The following PRH1 variants were observed in gnomAD, a reference collection of about 807,000 sequenced individuals.
The protein encoded by PRH1 is salivary acidic proline-rich phosphoprotein 1/2.
PRH1 carries 7 observed loss-of-function variants against 7.9 expected under a neutral mutation model. The observed-to-expected ratio is 0.89, with a 90% CI of 0.50 to 1.67. The LOEUF is 1.67. PRH1 is among the 40% of genes most tolerant of loss of function. The pLI is 0.00. For synonymous variants in PRH1, 45 were observed against 80.8 expected (o/e 0.56, Z 2.38); for missense variants, 109 against 223.6 (o/e 0.49, Z 3.27).
Position 11,106,704 on chromosome 12 carries a change from TA to T in PRH1, n.124-59517del, listed in dbSNP as rs2136295011. On this transcript the variant is annotated intron_variant and non_coding_transcript_variant, in intron 1 of 4. Transcript: ENST00000541977. ...TTGGATTTTATTTCTTTTCCATTTT[TA>T]CAGTATAATTGTTTCTAACAGAAGA... Among the ~76,000 whole-genome samples the T allele has an allele frequency of 2.0e-5, 3 of 152,330 alleles. No individual in the cohort carries two copies. The East Asian group carries it at 5.8e-4, about 29-fold the overall frequency.
At chr12:11,148,862 T>G (rs1946962446) in intron 1 of PRH1, among the ~76,000 whole-genome samples, 1 of 134,340 alleles carries the variant, frequency 7.4e-6, no homozygotes, top group South Asian at 2.3e-4. Context: ...GAAGGAATGG[T>G]ACCAGTTCCT....
chr12:11,060,135 T>A (rs1943524157), intron 1 of PRH1, among the ~76,000 whole-genome samples: 1 of 152,162 alleles, frequency 6.6e-6, no homozygotes, highest in Admixed American at 6.5e-5. Context: ...TAAAATTTCA[T>A]AACACCAAAA....
intron 1 of PRH1, among the ~76,000 whole-genome samples, chr12:11,040,972 C>G (rs940538743): frequency 6.6e-6 from 1 of 151,630 alleles, no homozygotes; most frequent in Non-Finnish European, 1.5e-5. Context: ...AAATAAAAAG[C>G]AAGAAACTAT....
At chr12:10,959,255 G>A (rs1938118979) in intron 2 of PRH1, among the ~76,000 whole-genome samples, 1 of 152,138 alleles carries the variant, frequency 6.6e-6, no homozygotes, top group Non-Finnish European at 1.5e-5. Flanking sequence ...ACAATTGGGG[G>A]AAGAGCAGTA....
chr12:11,017,333 T>C (rs1190775916), intron 1 of PRH1, among the ~76,000 whole-genome samples: 2 of 152,140 alleles, frequency 1.3e-5, no homozygotes, highest in Non-Finnish European at 2.9e-5. Context: ...AAATGGAAAG[T>C]TACCTAATTA....
chr12:11,101,938 T>A (rs532465650), intron 1 of PRH1, among the ~76,000 whole-genome samples: 148 of 152,120 alleles, frequency 9.7e-4, no homozygotes, highest in African/African-American at 3.5e-3. Context: ...TGAACTCCCA[T>A]TCACAATTGC....
intron 1 of PRH1, among the ~76,000 whole-genome samples, chr12:11,007,363 A>G (rs1165101446): frequency 6.6e-6 from 1 of 152,136 alleles, no homozygotes; most frequent in African/African-American, 2.4e-5. Flanking sequence ...AAAAAAATGA[A>G]AAAATGAGTT....
chr12:11,153,815 T>G (rs1371860707), intron 1 of PRH1, among the ~76,000 whole-genome samples: 1 of 152,080 alleles, frequency 6.6e-6, no homozygotes, highest in Non-Finnish European at 1.5e-5. Context: ...AACACACACC[T>G]GAGATATATG....
upstream of PRH1, among the ~76,000 whole-genome samples, chr12:10,888,105 T>G (rs1037519050): frequency 6.6e-6 from 1 of 152,178 alleles, no homozygotes. Flanking sequence ...CCATCTTCAA[T>G]GCCAGCAATA....
chr12:10,955,696 A>G (rs1317336000), intron 2 of PRH1, among the ~76,000 whole-genome samples: 1 of 152,126 alleles, frequency 6.6e-6, no homozygotes. Flanking sequence ...TAATAAAGAA[A>G]AAAAAGAGAG....
chr12:11,108,783 A>G (rs974488494), intron 1 of PRH1, among the ~76,000 whole-genome samples: 2 of 152,136 alleles, frequency 1.3e-5, no homozygotes, highest in African/African-American at 2.4e-5. Flanking sequence ...GTTTTTTGTC[A>G]TACCCCAGTG....
chr12:10,916,892 GATAAA>G (rs530963275), intron 2 of PRH1, among the ~76,000 whole-genome samples: 6 of 146,356 alleles, frequency 4.1e-5, no homozygotes, highest in African/African-American at 1.3e-4. Context: ...TATAAAATAA[GATAAA>G]ATAAAATAAA....
chr12:11,112,605 C>T (rs879664730), intron 1 of PRH1, among the ~76,000 whole-genome samples: 1 of 152,146 alleles, frequency 6.6e-6, no homozygotes, highest in Non-Finnish European at 1.5e-5. Flanking sequence ...ATTCAACATG[C>T]CTTCATGCTA....
At chr12:11,048,788 C>A, upstream of PRH1, 1 of 299,762 alleles carries the variant, frequency 3.3e-6, no homozygotes, top group South Asian at 6.0e-5. Flanking sequence ...CCTTCATATT[C>A]TTTTGTCCAC....
At chr12:11,016,823 C>G (rs1242165577) in intron 1 of PRH1, among the ~76,000 whole-genome samples, 2 of 152,136 alleles carry the variant, frequency 1.3e-5, no homozygotes, top group Admixed American at 6.6e-5. Flanking sequence ...AGAGCAGAAC[C>G]AAGGGGAAGC....
chr12:11,101,363 G>A (rs943987104), intron 1 of PRH1, among the ~76,000 whole-genome samples: 2 of 152,162 alleles, frequency 1.3e-5, no homozygotes, highest in Non-Finnish European at 2.9e-5. Flanking sequence ...AGTGGTGCAC[G>A]CCTGTTGTCC....
rs1441076993 is a variant in PRH1 at position 11,086,787 on chromosome 12, G to A, written n.124-39599C>T. Among the ~76,000 whole-genome samples the A allele has an allele frequency of 1.2e-4, 14 of 114,126 alleles. 3 individuals carry two copies. Among genetic ancestry groups the A allele is most frequent in the African/African-American group, 3.5e-4 (12 of 33,906 alleles). The allele number at this position is 114,126 out of a possible 152,430, so 74.9% of individuals were successfully genotyped here. A position where few individuals can be genotyped will look rare whatever the true frequency, so the allele number is the denominator to read the frequency against. On this transcript the variant is annotated intron_variant and non_coding_transcript_variant, in intron 1 of 4. Transcript: ENST00000541977. ...AAAGTAGCCAGGTGTGGTGGCACAT[G>A]CATAAAATCCCAGCTACTCAGGTGG... is the stretch of plus-strand genomic sequence containing the variant.
Position 10,910,209 on chromosome 12 carries a change from A to G in PRH1, c.-58-25934T>C, listed in dbSNP as rs548517591. Among the ~76,000 whole-genome samples the G allele has an allele frequency of 2.0e-5, 3 of 152,318 alleles. No individual in the cohort carries two copies. In the East Asian group the frequency reaches 5.8e-4, roughly 29 times the overall value. On this transcript the variant is annotated intron_variant, in intron 2 of 3. Transcript: ENST00000539853. ...AACAGCAGATAGTACCAAACTCTAT[A>G]TACAATATATTTTTTTCCTGTATTC...
intron 1 of PRH1, among the ~76,000 whole-genome samples, chr12:11,160,531 C>G (rs953582467): frequency 1.3e-5 from 2 of 152,116 alleles, no homozygotes; most frequent in Non-Finnish European, 2.9e-5. Context: ...ACTGCAGTGG[C>G]ACAATCTCAG....
Sources: allele counts gnomAD v4.1 joint callset (sites outside exome capture counted in the v4.1 genomes callset), GRCh38; gene constraint gnomAD v4.1.1; transcripts MANE v1.5; gene names NCBI Gene and HGNC (gene_info 2026-07-23, HGNC 2026-07-21).